MTMR3: variants seen among roughly 807,000 people sequenced by gnomAD.
MTMR3 encodes phosphatidylinositol-3,5-bisphosphate 3-phosphatase MTMR3.
In MTMR3, 32 loss-of-function variants were observed where a neutral mutation model predicts 132.4. That is an observed-to-expected ratio of 0.24 (90% confidence interval 0.18 to 0.32). The LOEUF is 0.32. MTMR3 is among the 10% of genes least tolerant of loss of function. The pLI, the probability that MTMR3 is intolerant of heterozygous loss-of-function variation, is 1.00. For missense variants in MTMR3, 1,216 were observed against 1,489.6 expected (o/e 0.82, Z 3.02); for synonymous variants, 556 against 550.3 (o/e 1.01, Z -0.14).
At chr22:30,006,860 CCT>C (rs748775846) in intron 9 of MTMR3, 28 of 438,378 alleles carry the variant, frequency 6.4e-5, no homozygotes, top group Non-Finnish European at 1.0e-4. Flanking sequence ...ATGCCTGACC[CCT>C]GTTAGTCATT....
chr22:29,894,503 CGTGTGTGTGTGTGTGT>C (rs144670905), intron 1 of MTMR3, among the ~76,000 whole-genome samples: 5 of 147,176 alleles, frequency 3.4e-5, no homozygotes, highest in Non-Finnish European at 6.0e-5. Flanking sequence ...GTTCTGTATC[CGTGTGTGTGTGTGTGT>C]GTGTGTGTGT....
At chr22:29,991,772 C>A in intron 7 of MTMR3, 102 bp downstream of exon 7, 1 of 1,258,276 alleles carries the variant, frequency 7.9e-7, no homozygotes, top group Non-Finnish European at 1.1e-6. Flanking sequence ...ATATATCAAT[C>A]AGTGTATATT....
chr22:29,910,939 G>A (rs2065199587), intron 1 of MTMR3, among the ~76,000 whole-genome samples: 1 of 152,108 alleles, frequency 6.6e-6, no homozygotes, highest in Admixed American at 6.5e-5. Context: ...TAGGATTATT[G>A]ATAATTCCTA....
intron 1 of MTMR3, among the ~76,000 whole-genome samples, chr22:29,925,542 T>C (rs1393332192): frequency 6.8e-6 from 1 of 147,586 alleles, no homozygotes; most frequent in Non-Finnish European, 1.5e-5. Context: ...ATACCTACCT[T>C]TTTATTTGTT....
intron 1 of MTMR3, among the ~76,000 whole-genome samples, chr22:29,884,389 C>G (rs2064623328): frequency 6.6e-6 from 1 of 151,950 alleles, no homozygotes; most frequent in African/African-American, 2.4e-5. Context: ...TTATTTTTTT[C>G]AATGTGAAAT....
At chr22:29,897,465 A>G (rs1376718968) in intron 1 of MTMR3, among the ~76,000 whole-genome samples, 1 of 150,968 alleles carries the variant, frequency 6.6e-6, no homozygotes, top group African/African-American at 2.5e-5. Context: ...TTATTTATTT[A>G]TTTTTGAGAC....
intron 1 of MTMR3, among the ~76,000 whole-genome samples, chr22:29,884,683 C>T (rs2064634235): frequency 6.6e-6 from 1 of 151,844 alleles, no homozygotes; most frequent in South Asian, 2.1e-4. Flanking sequence ...CCACCTCAGC[C>T]TCCCAAGTAG....
chr22:29,931,582 CT>C (rs914857932), intron 1 of MTMR3, among the ~76,000 whole-genome samples: 1 of 152,152 alleles, frequency 6.6e-6, no homozygotes, highest in South Asian at 2.1e-4. Context: ...GCCCAGCTAA[CT>C]TTTGTATTTT....
chr22:30,006,018 T>C (rs1174061909), intron 9 of MTMR3: 1 of 152,276 alleles, frequency 6.6e-6, no homozygotes, highest in Admixed American at 6.5e-5. Flanking sequence ...GGATACTTCA[T>C]GTTAATTGTC....
chr22:29,904,754 A>G (rs752707912), intron 1 of MTMR3, among the ~76,000 whole-genome samples: 1 of 152,202 alleles, frequency 6.6e-6, no homozygotes, highest in Non-Finnish European at 1.5e-5. Flanking sequence ...AGATGATAGA[A>G]TAAGTAGCAA....
chr22:29,900,656 T>C (rs2064987337), intron 1 of MTMR3, among the ~76,000 whole-genome samples: 1 of 152,204 alleles, frequency 6.6e-6, no homozygotes, highest in African/African-American at 2.4e-5. Context: ...GATGAGACAA[T>C]TGAGGCAAAA....
chr22:29,978,063 C>T (rs796236820), intron 3 of MTMR3: 2 of 161,250 alleles, frequency 1.2e-5, no homozygotes, highest in Non-Finnish European at 2.7e-5. Context: ...TCGCCTGAAC[C>T]CAGGAGGCAG....
intron 1 of MTMR3, among the ~76,000 whole-genome samples, chr22:29,927,940 T>TG (rs1555898552): frequency 5.7e-4 from 32 of 56,268 alleles, no homozygotes; most frequent in Non-Finnish European, 9.7e-4. Context: ...CTAGCCTTTG[T>TG]TTTTTTTTTT....
intron 14 of MTMR3, 98 bp from the exon 15 acceptor site, chr22:30,016,430 T>G (rs1209611615): frequency 1.5e-6 from 2 of 1,343,332 alleles, no homozygotes; most frequent in African/African-American, 2.9e-5. Context: ...TAAATTGAAG[T>G]GTTCTCAGGG....
At position 30,013,503 on chromosome 22, in the gene MTMR3, C is replaced by G. The variant is rs766760391; in HGVS notation, c.1465C>G (p.Gln489Glu). The change falls in exon 14 of 20, where the codon CAA becomes GAA. Residue 489 changes from glutamine to glutamate, a missense_variant. Coordinates refer to ENST00000401950, the MANE Select transcript of MTMR3 (RefSeq NM_021090.4). ...WLDCVHQLQR[Q>E]FPCSFEFNEA... ...TGACTGTGTTCATCAGCTTCAGAGG[C>G]AATTTCCTTGCTCTTTTGAGTTCAA... 6.2e-7 allele frequency: 1 copy of G among 1,614,046 alleles called. No homozygotes were observed. Among genetic ancestry groups the G allele is most frequent in the Non-Finnish European group, 8.5e-7 (1 of 1,179,972 alleles).
chr22:29,892,388 T>G (rs186580831), intron 1 of MTMR3, among the ~76,000 whole-genome samples: 36 of 152,328 alleles, frequency 2.4e-4, no homozygotes, highest in Admixed American at 2.2e-3. Flanking sequence ...GGCTGTAATA[T>G]GTATCTCCCT....
At chr22:29,903,689 A>C (rs941022652) in intron 1 of MTMR3, among the ~76,000 whole-genome samples, 2 of 152,052 alleles carry the variant, frequency 1.3e-5, no homozygotes, top group Non-Finnish European at 2.9e-5. Context: ...CACCTTGCCC[A>C]GCCATTTCTT....
chr22:30,027,605 G>C lies in MTMR3; in HGVS notation c.*1804G>C, dbSNP rs188349460. ...AAGAGGTTATGATACGGGTTTCTTGGGTCTGATGTACAGTGTGAATAAATG... is the reference window on the plus strand; with the variant it reads ...AAGAGGTTATGATACGGGTTTCTTGCGTCTGATGTACAGTGTGAATAAATG... On this transcript the variant is annotated 3_prime_UTR_variant, in exon 20 of 20. Coordinates refer to ENST00000401950, the MANE Select transcript of MTMR3 (RefSeq NM_021090.4). 3.9e-5 allele frequency: 6 copies of C among 152,788 alleles called. No individual in the cohort carries two copies. Among genetic ancestry groups the C allele is most frequent in the Admixed American group, 2.6e-4 (4 of 15,296 alleles). The allele number at this position is 152,788 out of a possible 1,614,324, so 9.5% of individuals were successfully genotyped here.
Position 30,017,944 on chromosome 22 carries a change from C to T in MTMR3, c.1692C>T (p.Cys564=). The T allele has an allele frequency of 6.2e-7, 1 of 1,613,496 alleles. No homozygotes were observed. Among genetic ancestry groups the T allele is most frequent in the Non-Finnish European group, 8.5e-7 (1 of 1,179,762 alleles). Residue 564 remains cysteine (C), a synonymous_variant, in exon 16 of 20, where the codon TGC becomes TGT. Coordinates refer to ENST00000401950, the MANE Select transcript of MTMR3 (RefSeq NM_021090.4). The part of the protein sequence containing the change: ...SQSEAVLYPV[C]HVRNLMLWSA... ...CTCCTCAGGTGCTGTACCCTGTGTGCCATGTGCGTAACCTGATGCTGTGGA... is the reference window on the plus strand; with the variant it reads ...CTCCTCAGGTGCTGTACCCTGTGTGTCATGTGCGTAACCTGATGCTGTGGA...
Sources: allele counts gnomAD v4.1 joint callset (sites outside exome capture counted in the v4.1 genomes callset), GRCh38; gene constraint gnomAD v4.1.1; transcripts MANE v1.5; gene names NCBI Gene and HGNC (gene_info 2026-07-23, HGNC 2026-07-21).